The following ZBTB2 variants were observed in gnomAD, a reference collection of about 807,000 sequenced individuals.
ZBTB2 encodes the protein zinc finger and BTB domain-containing protein 2.
In ZBTB2, 2 loss-of-function variants were observed where a neutral mutation model predicts 39.5. The observed-to-expected ratio is 0.05, with a 90% confidence interval of 0.02 to 0.16. The LOEUF (loss-of-function observed/expected upper bound fraction) is 0.16. ZBTB2 is among the 10% of genes least tolerant of loss of function. The pLI is 1.00. For synonymous variants in ZBTB2, 251 were observed against 256.6 expected (o/e 0.98, Z 0.21); for missense variants, 391 against 653.0 (o/e 0.60, Z 4.37).
At chr6:151,377,770 G>A (rs1340296656) in intron 1 of ZBTB2, among the ~76,000 whole-genome samples, 2 of 151,948 alleles carry the variant, frequency 1.3e-5, no homozygotes. Context: ...TCCTGACCTT[G>A]TGATCCGCCC....
intron 1 of ZBTB2, among the ~76,000 whole-genome samples, chr6:151,386,223 T>C (rs564116579): frequency 6.6e-6 from 1 of 152,248 alleles, no homozygotes; most frequent in African/African-American, 2.4e-5. Context: ...GAAGGAAACT[T>C]ACAGATGATT....
chr6:151,378,515 C>G (rs548556486), intron 1 of ZBTB2, among the ~76,000 whole-genome samples: 100 of 152,310 alleles, frequency 6.6e-4, no homozygotes, highest in African/African-American at 2.3e-3. Flanking sequence ...CAAAAGTAAC[C>G]TGGATTACAG....
At chr6:151,388,657 T>A (rs1298319340) in intron 1 of ZBTB2, among the ~76,000 whole-genome samples, 1 of 152,208 alleles carries the variant, frequency 6.6e-6, no homozygotes, top group East Asian at 1.9e-4. Flanking sequence ...GTGAGCCACT[T>A]TCCCTGGCCA....
At chr6:151,373,870 A>AAAAAAAAAAAAAAAAAAAAAAAACAAAAC (rs1778843577) in intron 1 of ZBTB2, among the ~76,000 whole-genome samples, 5 of 123,594 alleles carry the variant, frequency 4.0e-5, no homozygotes, top group African/African-American at 1.8e-4. Flanking sequence ...AAAAAAAAAA[A>AAAAAAAAAAAAAAAAAAAAAAAACAAAAC]AAAAAAACCA....
chr6:151,388,428 G>T (rs572030658), intron 1 of ZBTB2, among the ~76,000 whole-genome samples: 3 of 152,214 alleles, frequency 2.0e-5, no homozygotes, highest in Admixed American at 6.5e-5. Context: ...TCTCTATTTT[G>T]TAAGTCTCAA....
rs192142076 is a variant in ZBTB2, at chr6:151,372,333, C to A, written c.173+1132G>T. Reference sequence around the variant, plus strand: ...CAGCAGAATGAAGGAGGGGAGGAAACCACAGCGCGCACTGATAGGAAGAGT... The same window carrying A: ...CAGCAGAATGAAGGAGGGGAGGAAAACACAGCGCGCACTGATAGGAAGAGT... On this transcript the variant is annotated intron_variant, in intron 2 of 2. Transcript: ENST00000325144. 1.7e-3 allele frequency among the ~76,000 whole-genome samples: 258 copies of A among 152,166 alleles called. 1 individual carries two copies. The highest frequency in any genetic ancestry group is 0.01 in the Middle Eastern group (3 of 294).
intron 1 of ZBTB2, among the ~76,000 whole-genome samples, chr6:151,379,361 C>A (rs564378981): frequency 2.6e-5 from 4 of 152,186 alleles, no homozygotes; most frequent in African/African-American, 9.6e-5. Flanking sequence ...TAAAACCAGG[C>A]CAGGTGTGGT....
At chr6:151,382,614 G>C (rs1049289721) in intron 1 of ZBTB2, among the ~76,000 whole-genome samples, 1 of 150,400 alleles carries the variant, frequency 6.6e-6, no homozygotes, top group Non-Finnish European at 1.5e-5. Flanking sequence ...GAAATGGCGC[G>C]CAATCTTGGC....
chr6:151,384,785 T>C (rs891475392), intron 1 of ZBTB2, among the ~76,000 whole-genome samples: 5 of 152,214 alleles, frequency 3.3e-5, no homozygotes, highest in Non-Finnish European at 5.9e-5. Flanking sequence ...CTGTGAATTG[T>C]CTGCGTCTTC....
chr6:151,388,309 T>C (rs1047784140), intron 1 of ZBTB2, among the ~76,000 whole-genome samples: 2 of 152,044 alleles, frequency 1.3e-5, no homozygotes, highest in African/African-American at 4.8e-5. Flanking sequence ...GAAAGGTGAG[T>C]GGGGCTAGGA....
intron 1 of ZBTB2, 106 bp downstream of exon 1, chr6:151,391,313 CG>C (rs888785728): frequency 1.3e-5 from 2 of 152,168 alleles, no homozygotes; most frequent in African/African-American, 4.8e-5. Flanking sequence ...CTGCCGGAAC[CG>C]TTTGCGAGCT....
chr6:151,378,290 G>A (rs569980149), intron 1 of ZBTB2, among the ~76,000 whole-genome samples: 14 of 152,150 alleles, frequency 9.2e-5, no homozygotes, highest in Non-Finnish European at 1.5e-4. Context: ...TTTCTGCCAC[G>A]AGTCATATCT....
chr6:151,389,752 G>T (rs1391677930), intron 1 of ZBTB2, among the ~76,000 whole-genome samples: 2 of 152,086 alleles, frequency 1.3e-5, no homozygotes, highest in African/African-American at 4.8e-5. Context: ...GCATAATTAG[G>T]AGTTCACGTA....
intron 2 of ZBTB2, among the ~76,000 whole-genome samples, chr6:151,373,239 G>A (rs1184230102): frequency 1.3e-5 from 2 of 150,898 alleles, no homozygotes; most frequent in Non-Finnish European, 2.9e-5. Flanking sequence ...ACCCAGCGAG[G>A]GCATCTGGAG....
rs1779306083 is a variant in ZBTB2 at position 151,391,465 on chromosome 6, T to G, written c.-58A>C. ...GCGGGGGGTGTGGAGGAGGCGCCTCTGGGCAGCCTCGGCCGTGCTGTCCTC... is the reference window on the plus strand; with the variant it reads ...GCGGGGGGTGTGGAGGAGGCGCCTCGGGGCAGCCTCGGCCGTGCTGTCCTC... On this transcript the variant is annotated 5_prime_UTR_variant, in exon 1 of 3. Coordinates refer to ENST00000325144, the MANE Select transcript of ZBTB2 (RefSeq NM_020861.3). 6.6e-6 allele frequency: 1 copy of G among 150,840 alleles called. No homozygotes were observed. Among genetic ancestry groups the G allele is most frequent in the Non-Finnish European group, 1.5e-5 (1 of 67,628 alleles). The allele number at this position is 150,840 out of a possible 1,614,324, so 9.3% of individuals were successfully genotyped here.
intron 1 of ZBTB2, among the ~76,000 whole-genome samples, chr6:151,388,144 A>T (rs1328997973): frequency 6.6e-6 from 1 of 152,058 alleles, no homozygotes; most frequent in Non-Finnish European, 1.5e-5. Flanking sequence ...GCCAAAGAGC[A>T]TAAGAAAATA....
Position 151,373,870 on chromosome 6 carries a change from A to AAAAAAACAAAAC in ZBTB2, c.-12-222_-12-221insGTTTTGTTTTTT, listed in dbSNP as rs1554336610. Among the ~76,000 whole-genome samples the AAAAAAACAAAAC allele has an allele frequency of 2.2e-3, 268 of 123,568 alleles. 20 individuals are homozygous for AAAAAAACAAAAC. Among genetic ancestry groups the AAAAAAACAAAAC allele is most frequent in the African/African-American group, 8.5e-3 (240 of 28,162 alleles). The allele number at this position is 123,568 out of a possible 152,430, so 81.1% of individuals were successfully genotyped here. A position where few individuals can be genotyped will look rare whatever the true frequency, so the allele number is the denominator to read the frequency against. Reference sequence around the variant, plus strand: ...AAAAAAAAAAAAAAAAAAAAAAAAAAAAAAAAACCAGATGATGCCATTTAA... The same window carrying AAAAAAACAAAAC: ...AAAAAAAAAAAAAAAAAAAAAAAAAAAAAAAACAAAACAAAAAAACCAGATGATGCCATTTAA... On this transcript the variant is annotated intron_variant, in intron 1 of 2. Transcript: ENST00000325144.
At chr6:151,375,818 C>T (rs1033993347) in intron 1 of ZBTB2, among the ~76,000 whole-genome samples, 5 of 152,208 alleles carry the variant, frequency 3.3e-5, no homozygotes, top group Non-Finnish European at 5.9e-5. Flanking sequence ...ATCCACCCGC[C>T]TCGGCCTCCC....
chr6:151,381,489 C>G lies in ZBTB2; in HGVS notation c.-12-7840G>C, dbSNP rs2114873868. Among the ~76,000 whole-genome samples, 2 of 152,012 alleles carry G rather than the reference C, an allele frequency of 1.3e-5. 1 individual carries two copies. Among genetic ancestry groups the G allele is most frequent in the South Asian group, 4.2e-4 (2 of 4,804 alleles). The stretch of plus-strand genomic sequence containing the variant: ...TGAGCCAAGATCATGCCACTGCACT[C>G]TAGCCTGGGTGACACAGAGAGACTC... On this transcript the variant is annotated intron_variant, in intron 1 of 2. Transcript: ENST00000325144.
Sources: allele counts gnomAD v4.1 joint callset (sites outside exome capture counted in the v4.1 genomes callset), GRCh38; gene constraint gnomAD v4.1.1; transcripts MANE v1.5; gene names NCBI Gene and HGNC (gene_info 2026-07-23, HGNC 2026-07-21).